Variants in PARD3 observed in about 807,000 individuals in gnomAD.
The protein encoded by PARD3 is par-3 family cell polarity regulator.
Under a neutral mutation model 155.4 loss-of-function variants are expected in PARD3, and 75 were observed. The observed-to-expected ratio is 0.48, with a 90% CI of 0.40 to 0.58. The LOEUF (loss-of-function observed/expected upper bound fraction) is 0.58, where lower values mean the gene tolerates loss of function less well. PARD3 is among the 20% of genes least tolerant of loss of function. The pLI is 0.00. For missense variants in PARD3, 1,642 were observed against 1,721.7 expected (o/e 0.95, Z 0.82); for synonymous variants, 576 against 610.5 (o/e 0.94, Z 0.83).
chr10:34,799,801 T>G (rs1247231719), intron 1 of PARD3, among the ~76,000 whole-genome samples: 6 of 146,550 alleles, frequency 4.1e-5, no homozygotes, highest in African/African-American at 1.3e-4. Context: ...GATCAGCTTG[T>G]GCAGTAAAGT....
At chr10:34,706,548 G>C (rs1360913956) in intron 1 of PARD3, among the ~76,000 whole-genome samples, 1 of 152,122 alleles carries the variant, frequency 6.6e-6, no homozygotes, top group African/African-American at 2.4e-5. Flanking sequence ...GCCTAGACCA[G>C]CCTGGGCAAT....
chr10:34,246,692 C>A (rs146523971), intron 22 of PARD3, among the ~76,000 whole-genome samples: 3 of 149,180 alleles, frequency 2.0e-5, no homozygotes, highest in African/African-American at 5.2e-5. Flanking sequence ...AAATACCAGG[C>A]GGCCGTAAGA....
rs142748351 is a variant in PARD3 at position 34,333,528 on chromosome 10, G to C, written c.2606-2184C>G. ...GTGGATGGTGGGCCCTGGGTTTGTG[G>C]AAGGTCAATGAACTACTCTCTGTAT... On this transcript the variant is annotated intron_variant, in intron 18 of 24. Coordinates refer to ENST00000374788, the MANE Select transcript of PARD3 (RefSeq NM_001184785.2). 1.7e-3 allele frequency among the ~76,000 whole-genome samples: 254 copies of C among 152,164 alleles called. 1 individual carries two copies. Among genetic ancestry groups the C allele is most frequent in the African/African-American group, 5.5e-3 (230 of 41,566 alleles).
chr10:34,573,424 A>G (rs1033971299), intron 2 of PARD3, among the ~76,000 whole-genome samples: 4 of 151,250 alleles, frequency 2.6e-5, no homozygotes, highest in Non-Finnish European at 5.9e-5. Flanking sequence ...AGAATCGAGC[A>G]GGTGCAGTGG....
intron 22 of PARD3, among the ~76,000 whole-genome samples, chr10:34,155,891 T>C (rs1948983448): frequency 6.6e-6 from 1 of 152,106 alleles, no homozygotes; most frequent in Non-Finnish European, 1.5e-5. Flanking sequence ...CCACTCACAA[T>C]GCACAACCTG....
At chr10:34,312,200 G>A in intron 20 of PARD3, 1 of 1,400,972 alleles carries the variant, frequency 7.1e-7, no homozygotes, top group Non-Finnish European at 9.6e-7. Context: ...GATTAATAAG[G>A]AAATTACTAA....
intron 2 of PARD3, among the ~76,000 whole-genome samples, chr10:34,527,705 A>C (rs903243771): frequency 1.3e-5 from 2 of 152,228 alleles, no homozygotes. Context: ...AATATTAGCA[A>C]AAGATCAAAG....
chr10:34,574,507 A>G (rs1000735070), intron 2 of PARD3, among the ~76,000 whole-genome samples: 1 of 152,232 alleles, frequency 6.6e-6, no homozygotes, highest in African/African-American at 2.4e-5. Flanking sequence ...TCAAAGACAT[A>G]TGCAAAATCC....
chr10:34,261,781 A>AAAGGAAAGAAAGAAAG (rs1554820300), intron 22 of PARD3, among the ~76,000 whole-genome samples: 1 of 131,966 alleles, frequency 7.6e-6, no homozygotes, highest in African/African-American at 3.2e-5. Context: ...AGAAAGAAAG[A>AAAGGAAAGAAAGAAAG]AAAGAAAGAA....
At chr10:34,181,400 T>C (rs1435345402) in intron 22 of PARD3, among the ~76,000 whole-genome samples, 4 of 152,180 alleles carry the variant, frequency 2.6e-5, no homozygotes, top group African/African-American at 7.2e-5. Context: ...AGTTTGCAAG[T>C]TGAAAAGCAT....
chr10:34,277,004 G>A (rs1955916839), intron 21 of PARD3, among the ~76,000 whole-genome samples: 1 of 152,048 alleles, frequency 6.6e-6, no homozygotes, highest in Non-Finnish European at 1.5e-5. Flanking sequence ...GATAGTTGTT[G>A]ACTATCTTCA....
intron 1 of PARD3, among the ~76,000 whole-genome samples, chr10:34,786,223 G>A (rs1403873285): frequency 6.6e-6 from 1 of 152,178 alleles, no homozygotes; most frequent in African/African-American, 2.4e-5. Flanking sequence ...GCTCCATCTT[G>A]CAAATATTCT....
chr10:34,560,705 G>A (rs970984400), intron 2 of PARD3, among the ~76,000 whole-genome samples: 2 of 152,164 alleles, frequency 1.3e-5, no homozygotes, highest in African/African-American at 4.8e-5. Flanking sequence ...TGTAATTTGG[G>A]GAGATGGGGT....
intron 1 of PARD3, among the ~76,000 whole-genome samples, chr10:34,813,162 CTA>C (rs1219602085): frequency 6.6e-6 from 1 of 152,186 alleles, no homozygotes; most frequent in East Asian, 1.9e-4. Context: ...GCAGTTCAGC[CTA>C]TGTCTATTTT....
chr10:34,147,557 T>C (rs568903770), intron 22 of PARD3, among the ~76,000 whole-genome samples: 5 of 151,974 alleles, frequency 3.3e-5, no homozygotes, highest in African/African-American at 1.2e-4. Flanking sequence ...TTTATATATA[T>C]AGTAAAATTT....
chr10:34,746,843 AG>A (rs1354467237), intron 1 of PARD3, among the ~76,000 whole-genome samples: 25 of 152,196 alleles, frequency 1.6e-4, no homozygotes, highest in African/African-American at 5.5e-4. Flanking sequence ...TTTTACTAAA[AG>A]GGAGCCGTGT....
At chr10:34,182,158 G>A in intron 22 of PARD3, among the ~76,000 whole-genome samples, 1 of 152,172 alleles carries the variant, frequency 6.6e-6, no homozygotes, top group South Asian at 2.1e-4. Context: ...AGGAGTCCGA[G>A]CGCTGGATTG....
chr10:34,798,600 G>A (rs1316100113), intron 1 of PARD3, among the ~76,000 whole-genome samples: 6 of 151,564 alleles, frequency 4.0e-5, no homozygotes, highest in Non-Finnish European at 1.5e-5. Context: ...AGCCGCTCAG[G>A]AAGCTGAGGC....
chr10:34,445,596 T>G (rs1040986879), intron 5 of PARD3, among the ~76,000 whole-genome samples: 19 of 152,196 alleles, frequency 1.2e-4, no homozygotes, highest in African/African-American at 4.3e-4. Flanking sequence ...GTGTGTGGCT[T>G]CTCAATGCCA....
Sources: allele counts gnomAD v4.1 joint callset (sites outside exome capture counted in the v4.1 genomes callset), GRCh38; gene constraint gnomAD v4.1.1; transcripts MANE v1.5; gene names NCBI Gene and HGNC (gene_info 2026-07-23, HGNC 2026-07-21).